CTNND2: variants seen among roughly 807,000 people sequenced by gnomAD.
The protein encoded by CTNND2 is catenin delta 2.
CTNND2 carries 22 observed loss-of-function variants against 144.4 expected under a neutral mutation model. The ratio of observed to expected loss-of-function variants is 0.15; its 90% CI spans 0.11 to 0.22. The LOEUF is 0.22. Among genes scored for constraint, CTNND2 ranks in the 10% least tolerant of loss-of-function variants. CTNND2 has a pLI of 1.00. For missense variants in CTNND2, 1,353 were observed against 1,618.8 expected (o/e 0.84, Z 2.82); for synonymous variants, 751 against 695.6 (o/e 1.08, Z -1.25).
intron 3 of CTNND2, among the ~76,000 whole-genome samples, chr5:11,521,680 G>T (rs574784091): frequency 2.3e-4 from 35 of 152,326 alleles, no homozygotes; most frequent in Non-Finnish European, 5.0e-4. Flanking sequence ...TATATTAAGT[G>T]TTGGTCACAT....
intron 3 of CTNND2, among the ~76,000 whole-genome samples, chr5:11,484,256 T>A (rs1768585274): frequency 1.3e-5 from 2 of 152,278 alleles, no homozygotes; most frequent in Admixed American, 1.3e-4. Flanking sequence ...CACCTCCCCA[T>A]CACCACGTCA....
chr5:11,601,435 T>G (rs948233095), intron 2 of CTNND2, among the ~76,000 whole-genome samples: 5 of 152,166 alleles, frequency 3.3e-5, no homozygotes, highest in African/African-American at 1.2e-4. Context: ...AAGTGATAAA[T>G]AATTGGAACA....
chr5:11,345,751 C>T (rs61750708), intron 9 of CTNND2, among the ~76,000 whole-genome samples: 25 of 151,822 alleles, frequency 1.6e-4, no homozygotes, highest in Non-Finnish European at 3.2e-4. Context: ...CATTGCTAAA[C>T]CCCTTGCCAC....
chr5:11,175,621 CTTTCT>C (rs1760405259), intron 11 of CTNND2, among the ~76,000 whole-genome samples: 1 of 109,232 alleles, frequency 9.2e-6, no homozygotes, highest in South Asian at 3.7e-4. Flanking sequence ...TAAGTTGTTT[CTTTCT>C]TTTTTTATTT....
intron 1 of CTNND2, among the ~76,000 whole-genome samples, chr5:11,883,212 G>T (rs1339354903): frequency 1.3e-5 from 2 of 152,008 alleles, no homozygotes; most frequent in African/African-American, 4.8e-5. Flanking sequence ...TTCAAGTTCT[G>T]GGATACATGT....
At chr5:11,051,230 G>T (rs1341606432) in intron 16 of CTNND2, among the ~76,000 whole-genome samples, 1 of 152,196 alleles carries the variant, frequency 6.6e-6, no homozygotes, top group Admixed American at 6.5e-5. Context: ...GCTCTAGTGG[G>T]TATGGGTACC....
At chr5:11,303,254 C>T (rs913643241) in intron 9 of CTNND2, among the ~76,000 whole-genome samples, 8 of 152,202 alleles carry the variant, frequency 5.3e-5, no homozygotes, top group Admixed American at 3.3e-4. Flanking sequence ...AAAGACAATG[C>T]TCTTGACCTT....
rs76483881 is a variant in CTNND2 at position 11,727,023 on chromosome 5, C to T, written c.174+5113G>A. 1.1e-3 allele frequency among the ~76,000 whole-genome samples: 172 copies of T among 152,218 alleles called. 1 individual carries two copies. Among genetic ancestry groups the T allele is most frequent in the African/African-American group, 3.9e-3 (161 of 41,534 alleles). ...GGTGGAGAGACAGAGATGATCTATC[C>T]AGAGTTCTAGAATTATTCACCCATA... On this transcript the variant is annotated intron_variant, in intron 2 of 21. Transcript: ENST00000304623.
chr5:11,281,045 A>C (rs921480239), intron 9 of CTNND2, among the ~76,000 whole-genome samples: 1 of 152,002 alleles, frequency 6.6e-6, no homozygotes, highest in Non-Finnish European at 1.5e-5. Flanking sequence ...AGCATGTAAC[A>C]TGTTCACCAC....
At chr5:11,577,605 A>C (rs1203714281) in intron 2 of CTNND2, among the ~76,000 whole-genome samples, 4 of 152,148 alleles carry the variant, frequency 2.6e-5, no homozygotes, top group Non-Finnish European at 4.4e-5. Context: ...ACAAATACTG[A>C]ATGTGTGTGG....
At chr5:11,508,150 C>T (rs1038114588) in intron 3 of CTNND2, among the ~76,000 whole-genome samples, 2 of 152,140 alleles carry the variant, frequency 1.3e-5, no homozygotes, top group Admixed American at 1.3e-4. Context: ...AGGAATTATT[C>T]CATAGAAACA....
At chr5:11,296,068 T>G (rs1443935447) in intron 9 of CTNND2, among the ~76,000 whole-genome samples, 1 of 63,940 alleles carries the variant, frequency 1.6e-5, no homozygotes, top group Non-Finnish European at 3.1e-5. Context: ...GGGAGAAAAT[T>G]TTTGCAATCT....
chr5:11,565,683 T>C (rs930955821), intron 2 of CTNND2, among the ~76,000 whole-genome samples: 9 of 152,320 alleles, frequency 5.9e-5, no homozygotes, highest in East Asian at 3.9e-4. Flanking sequence ...AAACAGACAA[T>C]TGAACCAATG....
intron 3 of CTNND2, among the ~76,000 whole-genome samples, chr5:11,501,678 G>C (rs999819433): frequency 5.3e-5 from 8 of 152,140 alleles, no homozygotes; most frequent in Non-Finnish European, 1.2e-4. Flanking sequence ...TAGGTCATGA[G>C]GATGGAGCCC....
At chr5:11,099,352 G>A (rs889134077) in intron 14 of CTNND2, among the ~76,000 whole-genome samples, 4 of 152,184 alleles carry the variant, frequency 2.6e-5, no homozygotes, top group African/African-American at 9.7e-5. Context: ...GAGCAATCAT[G>A]ATAGTTAAGT....
intron 14 of CTNND2, 97 bp from the exon 15 acceptor site, chr5:11,098,845 T>C: frequency 6.2e-6 from 7 of 1,137,288 alleles, no homozygotes; most frequent in Non-Finnish European, 8.9e-6. Context: ...AAAAGCAGAG[T>C]GCTATCACAT....
chr5:11,488,214 T>C (rs1769026715), intron 3 of CTNND2, among the ~76,000 whole-genome samples: 1 of 152,248 alleles, frequency 6.6e-6, no homozygotes, highest in African/African-American at 2.4e-5. Context: ...CTTTAAATTT[T>C]TTTATAACGT....
At chr5:11,579,981 T>C (rs905394683) in intron 2 of CTNND2, among the ~76,000 whole-genome samples, 1 of 152,184 alleles carries the variant, frequency 6.6e-6, no homozygotes, top group Admixed American at 6.5e-5. Flanking sequence ...GGAAAAGCAA[T>C]AGTCTCCTCA....
chr5:11,446,237 T>G (rs1581214461), intron 3 of CTNND2, among the ~76,000 whole-genome samples: 1 of 152,190 alleles, frequency 6.6e-6, no homozygotes, highest in African/African-American at 2.4e-5. Context: ...CCTCCCAAAG[T>G]GCTGGGATTA....
Sources: gnomAD v4.1 joint callset for allele counts (sites outside exome capture counted in the v4.1 genomes callset) on GRCh38, gnomAD v4.1.1 for gene constraint, MANE v1.5 for transcripts, NCBI Gene and HGNC (gene_info 2026-07-23, HGNC 2026-07-21) for gene names.